The following NEGR1 variants were observed in gnomAD, a reference collection of about 807,000 sequenced individuals.
NEGR1 encodes the protein IgLON family member 4.
A neutral mutation model predicts 40.9 loss-of-function variants in NEGR1; 10 were observed. That is an observed-to-expected ratio of 0.24 (90% confidence interval 0.15 to 0.42). The LOEUF is 0.42. Among genes scored for constraint, NEGR1 ranks in the 10% least tolerant of loss-of-function variants. The pLI is 1.00. For synonymous variants in NEGR1, 185 were observed against 166.8 expected (o/e 1.11, Z -0.84); for missense variants, 352 against 438.9 (o/e 0.80, Z 1.77).
chr1:71,708,917 G>A (rs925406279), intron 3 of NEGR1, among the ~76,000 whole-genome samples: 5 of 152,154 alleles, frequency 3.3e-5, no homozygotes, highest in African/African-American at 1.2e-4. Flanking sequence ...CAAAGGACAA[G>A]ATCTTATTCC....
At chr1:71,466,948 T>C (rs1646750107) in intron 6 of NEGR1, among the ~76,000 whole-genome samples, 1 of 152,106 alleles carries the variant, frequency 6.6e-6, no homozygotes, top group Admixed American at 6.6e-5. Flanking sequence ...TAGTATAAAT[T>C]GTGGGCTAAC....
intron 1 of NEGR1, among the ~76,000 whole-genome samples, chr1:71,958,657 T>C (rs957952260): frequency 6.6e-6 from 1 of 152,174 alleles, no homozygotes; most frequent in Non-Finnish European, 1.5e-5. Flanking sequence ...ATTCTTGTTT[T>C]AAGACCAAAC....
intron 1 of NEGR1, among the ~76,000 whole-genome samples, chr1:71,960,145 TA>T (rs1301149260): frequency 1.3e-5 from 2 of 152,194 alleles, no homozygotes; most frequent in Non-Finnish European, 2.9e-5. Flanking sequence ...TCTTTAAGCT[TA>T]AAAAAATGGA....
At position 71,688,325 on chromosome 1, in the gene NEGR1, T is replaced by TATATATATATATATATAG. The variant is rs1475341609; in HGVS notation, c.667+9682_667+9683insCTATATATATATATATAT. Among the ~76,000 whole-genome samples the TATATATATATATATATAG allele has an allele frequency of 2.8e-3, 286 of 103,172 alleles. 6 individuals are homozygous for TATATATATATATATATAG. The highest frequency in any genetic ancestry group is 4.7e-3 in the Middle Eastern group (1 of 212). The allele number at this position is 103,172 out of a possible 152,430, so 67.7% of individuals were successfully genotyped here. ...TTCCCTTTTCATATATATATATATA[T>TATATATATATATATATAG]ATAGATAGATAGATAGATAGATAGA... is the stretch of plus-strand genomic sequence containing the variant. On this transcript the variant is annotated intron_variant, in intron 4 of 6. Transcript: ENST00000357731.
intron 2 of NEGR1, among the ~76,000 whole-genome samples, chr1:71,840,280 T>G (rs1557672728): frequency 6.6e-6 from 1 of 152,100 alleles, no homozygotes; most frequent in Non-Finnish European, 1.5e-5. Context: ...TGTGCTGCCA[T>G]AAACACTCTA....
intron 1 of NEGR1, among the ~76,000 whole-genome samples, chr1:72,203,974 C>T (rs1219264414): frequency 6.6e-6 from 1 of 152,062 alleles, no homozygotes; most frequent in Non-Finnish European, 1.5e-5. Flanking sequence ...ACTTAATAGA[C>T]TTCAGTGTAG....
intron 1 of NEGR1, among the ~76,000 whole-genome samples, chr1:72,132,132 A>T (rs1236079347): frequency 6.6e-6 from 1 of 152,176 alleles, no homozygotes; most frequent in Non-Finnish European, 1.5e-5. Context: ...AAATTTTAAA[A>T]ATGTATTTTA....
At chr1:71,947,014 G>A (rs1008379700) in intron 1 of NEGR1, among the ~76,000 whole-genome samples, 2 of 149,534 alleles carry the variant, frequency 1.3e-5, no homozygotes, top group Non-Finnish European at 3.0e-5. Context: ...CTTGAGTCTG[G>A]GAGGTGGAGG....
intron 6 of NEGR1, among the ~76,000 whole-genome samples, chr1:71,576,485 G>C (rs1272202298): frequency 6.6e-6 from 1 of 152,178 alleles, no homozygotes; most frequent in Non-Finnish European, 1.5e-5. Context: ...CTAGAATCTT[G>C]ATGAAGAAAC....
chr1:71,918,142 G>A (rs1482246188), intron 2 of NEGR1, among the ~76,000 whole-genome samples: 1 of 142,640 alleles, frequency 7.0e-6, no homozygotes, highest in Non-Finnish European at 1.5e-5. Flanking sequence ...GCGTGAACCC[G>A]GGAGGCAGAG....
intron 1 of NEGR1, among the ~76,000 whole-genome samples, chr1:72,048,420 C>T (rs1297359615): frequency 8.3e-6 from 1 of 120,302 alleles, no homozygotes; most frequent in Admixed American, 7.6e-5. Flanking sequence ...TTGCTTGCCC[C>T]TTTTCTATCT....
chr1:71,507,821 C>T (rs1360228799), intron 6 of NEGR1, among the ~76,000 whole-genome samples: 1 of 152,108 alleles, frequency 6.6e-6, no homozygotes, highest in Non-Finnish European at 1.5e-5. Context: ...CCTTGGCATC[C>T]CCCTTCTTCT....
intron 1 of NEGR1, among the ~76,000 whole-genome samples, chr1:72,193,071 T>C (rs1652875876): frequency 6.6e-6 from 1 of 151,762 alleles, no homozygotes; most frequent in Non-Finnish European, 1.5e-5. Flanking sequence ...GGGTTTTAAG[T>C]ATATAATTAA....
chr1:71,940,541 T>C (rs574318299), intron 1 of NEGR1, among the ~76,000 whole-genome samples: 4 of 152,214 alleles, frequency 2.6e-5, no homozygotes, highest in Non-Finnish European at 5.9e-5. Flanking sequence ...GTTTTAATTA[T>C]ATAAACCCAG....
chr1:72,119,238 T>C (rs1649703023), intron 1 of NEGR1, among the ~76,000 whole-genome samples: 1 of 151,916 alleles, frequency 6.6e-6, no homozygotes, highest in African/African-American at 2.4e-5. Context: ...TATAAATTCA[T>C]ATGCTAATAG....
intron 1 of NEGR1, among the ~76,000 whole-genome samples, chr1:72,002,644 T>C (rs536803281): frequency 1.3e-5 from 2 of 152,244 alleles, no homozygotes; most frequent in East Asian, 3.9e-4. Flanking sequence ...GGTGGTAGAG[T>C]GTTAAAATAA....
chr1:72,068,244 A>C (rs2630380), intron 1 of NEGR1, among the ~76,000 whole-genome samples: 148,883 of 152,224 alleles, frequency 0.98, 72,911 homozygotes, highest in Middle Eastern at 1. Context: ...AATCAGGAAA[A>C]CGAACTAAGA....
chr1:71,633,776 G>A (rs1030453712), intron 4 of NEGR1, among the ~76,000 whole-genome samples: 1 of 152,086 alleles, frequency 6.6e-6, no homozygotes, highest in African/African-American at 2.4e-5. Context: ...TTGGCAAGCT[G>A]TCAGCAGGAT....
At chr1:71,724,401 T>C (rs925829853) in intron 3 of NEGR1, among the ~76,000 whole-genome samples, 10 of 152,110 alleles carry the variant, frequency 6.6e-5, no homozygotes, top group African/African-American at 2.4e-4. Context: ...AGAATATAGG[T>C]ATAGAAGTGA....
Sources: allele counts gnomAD v4.1 joint callset (sites outside exome capture counted in the v4.1 genomes callset), GRCh38; gene constraint gnomAD v4.1.1; transcripts MANE v1.5; gene names NCBI Gene and HGNC (gene_info 2026-07-23, HGNC 2026-07-21).